AAK1: variants seen among roughly 807,000 people sequenced by gnomAD.
The protein encoded by AAK1 is AP2-associated protein kinase 1.
A neutral mutation model predicts 116.0 loss-of-function variants in AAK1; 37 were observed. That is an observed-to-expected ratio of 0.32 (90% CI 0.25 to 0.42). The LOEUF is 0.42. Among genes scored for constraint, AAK1 ranks in the 10% least tolerant of loss-of-function variants. The probability of loss-of-function intolerance (pLI) is 1.00; values close to 1 mark genes in which losing one functional copy is unlikely to be tolerated. For synonymous variants in AAK1, 458 were observed against 439.9 expected (o/e 1.04, Z -0.51); for missense variants, 919 against 1,170.6 (o/e 0.79, Z 3.14).
At chr2:69,636,948 C>A (rs2105269149) in intron 2 of AAK1, among the ~76,000 whole-genome samples, 1 of 152,136 alleles carries the variant, frequency 6.6e-6, no homozygotes, top group East Asian at 1.9e-4. Flanking sequence ...GATCCATCTG[C>A]CTCAGCCTCC....
intron 5 of AAK1, among the ~76,000 whole-genome samples, chr2:69,536,801 G>C (rs1670492890): frequency 6.6e-6 from 1 of 152,032 alleles, no homozygotes; most frequent in Admixed American, 6.6e-5. Flanking sequence ...ATTTCAGTCA[G>C]AGAATGTATT....
At chr2:69,481,609 T>G (rs1675089700) in intron 18 of AAK1, 1 of 152,174 alleles carries the variant, frequency 6.6e-6, no homozygotes, top group Non-Finnish European at 1.5e-5. Context: ...AAGGCATTAT[T>G]AGGTGCCTCA....
At position 69,643,097 on chromosome 2, in the gene AAK1, T is replaced by C; in HGVS notation, c.-57A>G. 1 of 1,451,514 alleles carries C rather than the reference T, an allele frequency of 6.9e-7. No individual in the cohort carries two copies. Among genetic ancestry groups the C allele is most frequent in the South Asian group, 1.4e-5 (1 of 69,290 alleles). The allele number at this position is 1,451,514 out of a possible 1,614,324, so 89.9% of individuals were successfully genotyped here. Reference sequence around the variant, plus strand: ...CGATGGTTTCTAGATTTTTTTTTTTTTTTTTTTTTTTTAAGAAAAGAGATC... The same window carrying C: ...CGATGGTTTCTAGATTTTTTTTTTTCTTTTTTTTTTTTAAGAAAAGAGATC... On this transcript the variant is annotated 5_prime_UTR_variant, in exon 2 of 22. Coordinates refer to ENST00000409085, the MANE Select transcript of AAK1 (RefSeq NM_014911.5).
chr2:69,559,396 T>C (rs1231918308), intron 2 of AAK1, among the ~76,000 whole-genome samples: 1 of 152,120 alleles, frequency 6.6e-6, no homozygotes, highest in Non-Finnish European at 1.5e-5. Flanking sequence ...AATGCAGTGG[T>C]ATTTATCTTT....
chr2:69,506,430 C>G (rs1187536070), intron 15 of AAK1, among the ~76,000 whole-genome samples: 2 of 152,176 alleles, frequency 1.3e-5, no homozygotes, highest in Non-Finnish European at 2.9e-5. Context: ...GTGGTAAATT[C>G]ATAGCCCACT....
intron 2 of AAK1, among the ~76,000 whole-genome samples, chr2:69,559,036 A>AT (rs34783131): frequency 0.53 from 80,095 of 151,884 alleles, 23,025 homozygotes; most frequent in East Asian, 0.77. Context: ...GTAAAAAGAA[A>AT]TTTAATGGGC....
intron 2 of AAK1, among the ~76,000 whole-genome samples, chr2:69,635,930 C>T (rs948535561): frequency 2.0e-5 from 3 of 152,032 alleles, no homozygotes; most frequent in African/African-American, 4.8e-5. Flanking sequence ...TAAGATAATA[C>T]ATTTTAGGTT....
intron 12 of AAK1, among the ~76,000 whole-genome samples, chr2:69,518,000 T>C (rs115553571): frequency 1.5e-3 from 231 of 152,296 alleles, no homozygotes; most frequent in African/African-American, 5.1e-3. Context: ...CACATGCTTA[T>C]AGTCCTAGCT....
Position 69,522,638 on chromosome 2 carries a change from T to G in AAK1, c.1056-1650A>C, listed in dbSNP as rs141025950. 1.2e-4 allele frequency among the ~76,000 whole-genome samples: 18 copies of G among 152,070 alleles called. No individual in the cohort carries two copies. The East Asian group carries it at 3.3e-3, about 28-fold the overall frequency. ...GGCCAACATGGCAAAACGCCGTCTC[T>G]ACTAAAAATACAAAAATTAGCCGGG... On this transcript the variant is annotated intron_variant, in intron 10 of 21. Transcript: ENST00000409085.
In AAK1 at chr2:69,479,053, T is replaced by C; in HGVS notation, c.2578A>G (p.Thr860Ala). ...CAATCAAGCAGGGAATCTTCCCCGG[T>C]GAGAGAATCTGAGTCCAGATTAACA... Reference protein sequence around the residue: ...SVTSNRTDSLTGEDSLLDCSL... With the variant: ...SVTSNRTDSLAGEDSLLDCSL... The change falls in exon 20 of 22, where the codon ACC (threonine) becomes GCC (alanine). Residue 860 changes from threonine to alanine, a missense_variant. This residue lies in a region of AAK1 where 263 missense variants were observed against 285.5 expected (regional missense o/e 0.92). Coordinates refer to ENST00000409085, the MANE Select transcript of AAK1 (RefSeq NM_014911.5). 2 of 1,607,790 alleles carry C rather than the reference T, an allele frequency of 1.2e-6. No homozygotes were observed. The highest frequency in any genetic ancestry group is 1.7e-6 in the Non-Finnish European group (2 of 1,174,322).
intron 11 of AAK1, among the ~76,000 whole-genome samples, chr2:69,520,402 A>C: frequency 7.5e-6 from 1 of 133,856 alleles, no homozygotes. Flanking sequence ...CTCGTCACCC[A>C]GGCTGGAGTG....
intron 5 of AAK1, among the ~76,000 whole-genome samples, chr2:69,539,625 T>C (rs986734283): frequency 2.6e-5 from 4 of 152,228 alleles, no homozygotes; most frequent in African/African-American, 9.6e-5. Context: ...TAAAGGCAAC[T>C]AGGAGTAGTG....
At chr2:69,540,044 C>T (rs1229517094) in intron 5 of AAK1, among the ~76,000 whole-genome samples, 1 of 152,054 alleles carries the variant, frequency 6.6e-6, no homozygotes, top group Admixed American at 6.6e-5. Context: ...TTTGTCCCAT[C>T]CCCACAGAAT....
chr2:69,555,220 T>C (rs1210305742), intron 3 of AAK1, among the ~76,000 whole-genome samples: 3 of 152,220 alleles, frequency 2.0e-5, no homozygotes, highest in South Asian at 4.1e-4. Context: ...AACAGGAATC[T>C]GGAGCTATGT....
chr2:69,508,593 C>T (rs1219552187), intron 14 of AAK1, among the ~76,000 whole-genome samples: 2 of 152,132 alleles, frequency 1.3e-5, no homozygotes, highest in East Asian at 1.9e-4. Context: ...TTCGGTCAGA[C>T]ATACAAATAA....
chr2:69,624,018 CAGAG>C (rs1203060117), intron 2 of AAK1, among the ~76,000 whole-genome samples: 1 of 150,784 alleles, frequency 6.6e-6, no homozygotes, highest in Non-Finnish European at 1.5e-5. Context: ...ATATAAAAAA[CAGAG>C]AGGGAGGGAA....
intron 2 of AAK1, among the ~76,000 whole-genome samples, chr2:69,638,451 G>A (rs1399973578): frequency 1.3e-5 from 2 of 152,184 alleles, no homozygotes; most frequent in Non-Finnish European, 2.9e-5. Flanking sequence ...AGGCACAGGA[G>A]GGGAGCCGTG....
intron 3 of AAK1, among the ~76,000 whole-genome samples, chr2:69,555,756 A>G (rs1245513754): frequency 6.6e-6 from 1 of 152,182 alleles, no homozygotes; most frequent in Non-Finnish European, 1.5e-5. Context: ...TAAGCAATAT[A>G]ATTGGTATAA....
At chr2:69,482,426 T>A in intron 18 of AAK1, 1 of 598,716 alleles carries the variant, frequency 1.7e-6, no homozygotes, top group Admixed American at 3.1e-5. Context: ...TAGAAACCAA[T>A]TTTTTAAAGT....
Sources: gnomAD v4.1 joint callset for allele counts (sites outside exome capture counted in the v4.1 genomes callset) on GRCh38, gnomAD v4.1.1 for gene constraint, gnomAD v4.1.1 regional missense constraint, MANE v1.5 for transcripts, NCBI Gene and HGNC (gene_info 2026-07-23, HGNC 2026-07-21) for gene names.